Variants in VEPH1 observed in about 807,000 individuals in gnomAD.
VEPH1 encodes the protein ventricular zone expressed PH domain containing 1.
In VEPH1, 80 loss-of-function variants were observed where a neutral mutation model predicts 85.2. The ratio of observed to expected loss-of-function variants is 0.94; its 90% CI spans 0.78 to 1.13. The LOEUF (loss-of-function observed/expected upper bound fraction) is 1.13. Among genes scored for constraint, VEPH1 ranks in the 50% most tolerant of loss-of-function variants. VEPH1 has a pLI of 0.00. For synonymous variants in VEPH1, 297 were observed against 348.0 expected, an observed-to-expected ratio of 0.85 and a Z score of 1.63; for missense variants, 955 against 980.5, an observed-to-expected ratio of 0.97 and a Z score of 0.35.
intron 11 of VEPH1, among the ~76,000 whole-genome samples, chr3:157,310,023 G>A (rs928181605): frequency 7.2e-5 from 11 of 152,024 alleles, no homozygotes; most frequent in East Asian, 1.9e-4. Flanking sequence ...CAGGTGATCC[G>A]CCTGCCTCAG....
intron 5 of VEPH1, among the ~76,000 whole-genome samples, chr3:157,423,235 A>C (rs1337821936): frequency 2.6e-5 from 4 of 152,238 alleles, no homozygotes; most frequent in African/African-American, 9.6e-5. Context: ...TGAAAGAAAC[A>C]GTCGTGCAAA....
At chr3:157,436,882 C>CT in intron 4 of VEPH1, 1 of 1,596,144 alleles carries the variant, frequency 6.3e-7, no homozygotes, top group Non-Finnish European at 8.6e-7. Context: ...ACTCAGCTCA[C>CT]TTGAGAGTCT....
chr3:157,320,538 G>A (rs535315975), intron 9 of VEPH1, among the ~76,000 whole-genome samples: 2 of 152,092 alleles, frequency 1.3e-5, no homozygotes, highest in South Asian at 2.1e-4. Context: ...GATGCCAAAA[G>A]GATTATTCAT....
At chr3:157,412,507 G>A (rs565454359) in intron 6 of VEPH1, among the ~76,000 whole-genome samples, 28 of 152,222 alleles carry the variant, frequency 1.8e-4, no homozygotes, top group African/African-American at 6.5e-4. Flanking sequence ...TTTGGTTCTT[G>A]CAAAGATCTG....
intron 12 of VEPH1, among the ~76,000 whole-genome samples, chr3:157,277,746 T>G (rs984966865): frequency 6.6e-6 from 1 of 152,224 alleles, no homozygotes; most frequent in Non-Finnish European, 1.5e-5. Context: ...TTAATACACA[T>G]ATATATGAAT....
chr3:157,459,836 A>G (rs1473525462), intron 4 of VEPH1: 1 of 1,518,702 alleles, frequency 6.6e-7, no homozygotes, highest in Non-Finnish European at 8.8e-7. Flanking sequence ...TACCCCACTG[A>G]GTGACGTGTT....
intron 9 of VEPH1, among the ~76,000 whole-genome samples, chr3:157,359,981 C>T (rs892735655): frequency 8.5e-5 from 13 of 152,088 alleles, no homozygotes; most frequent in African/African-American, 3.1e-4. Flanking sequence ...GGTTTTTATG[C>T]TTCTTCTCTT....
intron 4 of VEPH1, among the ~76,000 whole-genome samples, chr3:157,458,715 G>T (rs935108312): frequency 3.9e-5 from 6 of 152,170 alleles, no homozygotes; most frequent in South Asian, 2.1e-4. Flanking sequence ...TTGTCAAGAA[G>T]GGTATTTCCT....
At chr3:157,273,021 G>A (rs1466650197) in intron 12 of VEPH1, among the ~76,000 whole-genome samples, 1 of 152,198 alleles carries the variant, frequency 6.6e-6, no homozygotes, top group Non-Finnish European at 1.5e-5. Flanking sequence ...GTAGAAAGGA[G>A]TTAGAGGGGG....
intron 9 of VEPH1, among the ~76,000 whole-genome samples, chr3:157,327,425 T>C (rs1333857950): frequency 2.0e-5 from 3 of 152,178 alleles, no homozygotes; most frequent in Non-Finnish European, 4.4e-5. Context: ...TGATCAGCTC[T>C]AGACATAATG....
chr3:157,460,887 G>A (rs562061840), intron 3 of VEPH1, among the ~76,000 whole-genome samples: 10 of 152,168 alleles, frequency 6.6e-5, no homozygotes, highest in African/African-American at 2.2e-4. Context: ...AGGTAAACAG[G>A]GGCATGATTA....
intron 2 of VEPH1, among the ~76,000 whole-genome samples, chr3:157,483,310 A>G (rs1261812974): frequency 6.6e-6 from 1 of 152,104 alleles, no homozygotes; most frequent in Admixed American, 6.6e-5. Flanking sequence ...AAGGTACAAC[A>G]CTCAACACAG....
chr3:157,407,064 G>A (rs1731194570), intron 6 of VEPH1, among the ~76,000 whole-genome samples: 1 of 151,820 alleles, frequency 6.6e-6, no homozygotes, highest in South Asian at 2.1e-4. Context: ...TTAGGAAAGA[G>A]GGCTATAATA....
intron 4 of VEPH1, chr3:157,437,933 C>T: frequency 6.5e-7 from 1 of 1,526,912 alleles, no homozygotes; most frequent in Non-Finnish European, 8.7e-7. Context: ...GCAAGCGGGG[C>T]CGGGACCTCC....
intron 6 of VEPH1, among the ~76,000 whole-genome samples, chr3:157,390,097 C>T (rs934956850): frequency 5.3e-5 from 8 of 152,162 alleles, no homozygotes; most frequent in African/African-American, 1.9e-4. Context: ...AGACTGGGGA[C>T]AGTCATTTGC....
chr3:157,323,917 G>A (rs562870225), intron 9 of VEPH1, among the ~76,000 whole-genome samples: 3 of 152,112 alleles, frequency 2.0e-5, no homozygotes, highest in South Asian at 4.1e-4. Context: ...AAGTGGGAGT[G>A]GGGTGAGGAG....
intron 13 of VEPH1, among the ~76,000 whole-genome samples, chr3:157,265,028 C>T (rs756202795): frequency 6.6e-6 from 1 of 152,176 alleles, no homozygotes. Context: ...CTATTATATT[C>T]ATTAACTGAA....
chr3:157,265,227 G>C (rs1477890637), intron 13 of VEPH1, among the ~76,000 whole-genome samples: 2 of 152,106 alleles, frequency 1.3e-5, no homozygotes, highest in African/African-American at 2.4e-5. Flanking sequence ...ATAAATTTGT[G>C]TACGTGGTCC....
chr3:157,285,720 G>A (rs535248294), intron 12 of VEPH1, among the ~76,000 whole-genome samples: 3 of 152,280 alleles, frequency 2.0e-5, no homozygotes, highest in East Asian at 3.9e-4. Context: ...TTGGATATAG[G>A]CTTATTAGCA....
Sources: allele counts gnomAD v4.1 joint callset (sites outside exome capture counted in the v4.1 genomes callset), GRCh38; gene constraint gnomAD v4.1.1; transcripts MANE v1.5; gene names NCBI Gene and HGNC (gene_info 2026-07-23, HGNC 2026-07-21).